The following FRMD5 variants were observed in gnomAD, a reference collection of about 807,000 sequenced individuals.
FRMD5 encodes FERM domain containing 5.
A neutral mutation model predicts 69.0 loss-of-function variants in FRMD5; 20 were observed. The observed-to-expected ratio is 0.29, with a 90% CI of 0.20 to 0.42. FRMD5 has a LOEUF of 0.42. Among genes scored for constraint, FRMD5 ranks in the 10% least tolerant of loss-of-function variants. The probability of loss-of-function intolerance (pLI) is 1.00; values close to 1 mark genes in which losing one functional copy is unlikely to be tolerated. For missense variants in FRMD5, 595 were observed against 708.6 expected, an observed-to-expected ratio of 0.84 and a Z score of 1.82; for synonymous variants, 271 against 260.1, an observed-to-expected ratio of 1.04 and a Z score of -0.40.
chr15:43,896,285 C>T (rs2088909747), intron 7 of FRMD5, among the ~76,000 whole-genome samples: 1 of 152,200 alleles, frequency 6.6e-6, no homozygotes, highest in Non-Finnish European at 1.5e-5. Context: ...CAGTTTAGGA[C>T]CCCAGCTCTC....
intron 1 of FRMD5, among the ~76,000 whole-genome samples, chr15:44,097,469 A>G (rs1334240607): frequency 1.3e-5 from 2 of 152,352 alleles, no homozygotes; most frequent in East Asian, 3.9e-4. Context: ...CAACCAGACA[A>G]GAAGAGGGGC....
intron 1 of FRMD5, among the ~76,000 whole-genome samples, chr15:44,157,292 T>C (rs1302786043): frequency 1.3e-5 from 2 of 152,174 alleles, no homozygotes; most frequent in Non-Finnish European, 2.9e-5. Flanking sequence ...TGTCCAAATG[T>C]TCAAGAGTAA....
chr15:44,120,618 G>T (rs1287207510), intron 1 of FRMD5, among the ~76,000 whole-genome samples: 1 of 148,434 alleles, frequency 6.7e-6, no homozygotes, highest in African/African-American at 2.5e-5. Flanking sequence ...CGCCTCCCGG[G>T]TTCACGCCAT....
At chr15:43,973,502 G>C (rs1241459088) in intron 1 of FRMD5, among the ~76,000 whole-genome samples, 4 of 151,330 alleles carry the variant, frequency 2.6e-5, no homozygotes, top group African/African-American at 9.7e-5. Flanking sequence ...TGAGTAGCTG[G>C]GATTACAGGT....
At chr15:44,136,768 A>G (rs530433368) in intron 1 of FRMD5, among the ~76,000 whole-genome samples, 1 of 152,344 alleles carries the variant, frequency 6.6e-6, no homozygotes, top group Admixed American at 6.5e-5. Context: ...CTTGCAATCA[A>G]TAATGGTTTT....
At chr15:44,122,650 C>T (rs142382859) in intron 1 of FRMD5, among the ~76,000 whole-genome samples, 5 of 152,082 alleles carry the variant, frequency 3.3e-5, no homozygotes, top group South Asian at 2.1e-4. Context: ...TTTGGGATGC[C>T]GAGGGGCCCA....
At chr15:44,009,107 AC>A (rs1198224228) in intron 1 of FRMD5, among the ~76,000 whole-genome samples, 1 of 152,220 alleles carries the variant, frequency 6.6e-6, no homozygotes, top group Non-Finnish European at 1.5e-5. Flanking sequence ...CTTAGTTCCT[AC>A]CAAGTAGTAA....
intron 1 of FRMD5, among the ~76,000 whole-genome samples, chr15:44,113,841 C>A (rs955612717): frequency 1.3e-5 from 2 of 152,134 alleles, no homozygotes; most frequent in African/African-American, 2.4e-5. Context: ...ATAACTGACA[C>A]AGGGTCTGAA....
At chr15:43,888,064 G>A in intron 10 of FRMD5, 111 bp downstream of exon 10, 1 of 751,238 alleles carries the variant, frequency 1.3e-6, no homozygotes, top group Non-Finnish European at 2.2e-6. Context: ...TCAAGCTCTT[G>A]CCCACTTCCA....
At chr15:43,935,238 C>G (rs149620740) in intron 1 of FRMD5, among the ~76,000 whole-genome samples, 13 of 152,094 alleles carry the variant, frequency 8.5e-5, no homozygotes, top group Admixed American at 8.5e-4. Flanking sequence ...CCAGCCCTTT[C>G]GGGGGACAAG....
At chr15:44,177,553 T>C (rs757571431) in intron 1 of FRMD5, among the ~76,000 whole-genome samples, 10 of 152,080 alleles carry the variant, frequency 6.6e-5, no homozygotes, top group Non-Finnish European at 1.5e-4. Flanking sequence ...TAGGGAGCTA[T>C]GGGAGGGGAG....
chr15:43,973,063 T>C (rs980958202), intron 1 of FRMD5, among the ~76,000 whole-genome samples: 13 of 152,086 alleles, frequency 8.5e-5, no homozygotes, highest in Admixed American at 2.6e-4. Context: ...CGCTCTGTCC[T>C]CCAGGCTGGA....
intron 1 of FRMD5, among the ~76,000 whole-genome samples, chr15:43,967,481 T>C (rs1341815334): frequency 1.3e-5 from 2 of 152,136 alleles, no homozygotes; most frequent in African/African-American, 4.8e-5. Flanking sequence ...TCTGCCCACC[T>C]CGACCTCCCA....
upstream of FRMD5, among the ~76,000 whole-genome samples, chr15:44,197,695 A>AAAG (rs2078321604): frequency 6.6e-6 from 1 of 150,692 alleles, no homozygotes; most frequent in African/African-American, 2.5e-5. Context: ...AAAAAAAAAA[A>AAAG]AAAGAAAGAA....
chr15:43,968,040 A>G (rs903063585), intron 1 of FRMD5, among the ~76,000 whole-genome samples: 3 of 134,252 alleles, frequency 2.2e-5, no homozygotes, highest in African/African-American at 3.1e-5. Context: ...CACTGATCTG[A>G]AAAAAAAAAA....
At chr15:44,080,676 A>C (rs918201231) in intron 1 of FRMD5, among the ~76,000 whole-genome samples, 1 of 151,944 alleles carries the variant, frequency 6.6e-6, no homozygotes, top group Non-Finnish European at 1.5e-5. Context: ...TAGATTATAC[A>C]CTCTTAAAAG....
rs191725800 is a variant in FRMD5, at chr15:44,110,380, G to T, written c.102+84573C>A. Among the ~76,000 whole-genome samples, 352 of 152,308 alleles carry T rather than the reference G, an allele frequency of 2.3e-3. 2 individuals carry two copies. The highest frequency in any genetic ancestry group is 3.5e-3 in the Non-Finnish European group (236 of 68,030). On this transcript the variant is annotated intron_variant, in intron 1 of 13. Transcript: ENST00000417257. ...GCTACGTGCAGGCTTCTGTGTGGAT[G>T]TAAGTTTTCAGTTCATTTGGGTAAA...
intron 1 of FRMD5, among the ~76,000 whole-genome samples, chr15:44,127,959 A>G (rs2077045888): frequency 6.6e-6 from 1 of 152,190 alleles, no homozygotes; most frequent in Non-Finnish European, 1.5e-5. Flanking sequence ...AGCTGTAGCA[A>G]TCTGGCTTTT....
At chr15:43,992,084 G>A (rs1889711464) in intron 1 of FRMD5, among the ~76,000 whole-genome samples, 1 of 152,140 alleles carries the variant, frequency 6.6e-6, no homozygotes, top group East Asian at 1.9e-4. Context: ...TATAATTCTG[G>A]CTTTGAAAAT....
Sources: gnomAD v4.1 joint callset for allele counts (sites outside exome capture counted in the v4.1 genomes callset) on GRCh38, gnomAD v4.1.1 for gene constraint, MANE v1.5 for transcripts, NCBI Gene and HGNC (gene_info 2026-07-23, HGNC 2026-07-21) for gene names.